The following NRG3 variants were observed in gnomAD, a reference collection of about 807,000 sequenced individuals.
The protein encoded by NRG3 is pro-neuregulin-3, membrane-bound isoform.
In NRG3, 31 loss-of-function variants were observed where a neutral mutation model predicts 66.9. The ratio of observed to expected loss-of-function variants is 0.46; its 90% confidence interval spans 0.35 to 0.63. The LOEUF (loss-of-function observed/expected upper bound fraction) is 0.63. Ranked by LOEUF, NRG3 falls within the 20% of genes least tolerant of loss-of-function variation. The pLI is 0.00. For missense variants in NRG3, 910 were observed against 878.9 expected, an observed-to-expected ratio of 1.04 and a Z score of -0.45; for synonymous variants, 393 against 359.4, an observed-to-expected ratio of 1.09 and a Z score of -1.06.
At chr10:82,857,086 A>C (rs2063850565) in intron 3 of NRG3, among the ~76,000 whole-genome samples, 1 of 152,200 alleles carries the variant, frequency 6.6e-6, no homozygotes, top group African/African-American at 2.4e-5. Flanking sequence ...TTATTTAGTC[A>C]AAATCCATCT....
At chr10:82,523,980 A>C (rs988674891) in intron 2 of NRG3, among the ~76,000 whole-genome samples, 14 of 152,044 alleles carry the variant, frequency 9.2e-5, no homozygotes, top group African/African-American at 3.4e-4. Flanking sequence ...GTTTTCCCTT[A>C]AAGTTTTCCC....
At chr10:82,934,618 C>G (rs1847888228) in intron 4 of NRG3, among the ~76,000 whole-genome samples, 1 of 152,204 alleles carries the variant, frequency 6.6e-6, no homozygotes, top group African/African-American at 2.4e-5. Flanking sequence ...GGTGTCACTA[C>G]AGAGTAGGAA....
At chr10:82,444,420 G>A (rs2090608314) in intron 2 of NRG3, among the ~76,000 whole-genome samples, 1 of 152,140 alleles carries the variant, frequency 6.6e-6, no homozygotes, top group Non-Finnish European at 1.5e-5. Flanking sequence ...TTATTCTAAT[G>A]TGACTAAAGA....
chr10:82,778,228 G>T (rs540805185), intron 3 of NRG3, among the ~76,000 whole-genome samples: 2 of 152,326 alleles, frequency 1.3e-5, no homozygotes, highest in East Asian at 3.9e-4. Context: ...TGATGGAATT[G>T]TGACTGATCC....
chr10:82,728,034 A>T (rs561829414), intron 2 of NRG3, among the ~76,000 whole-genome samples: 13 of 152,222 alleles, frequency 8.5e-5, no homozygotes, highest in South Asian at 8.3e-4. Flanking sequence ...AAACAACTGT[A>T]TTTACCCAAT....
intron 3 of NRG3, among the ~76,000 whole-genome samples, chr10:82,859,756 C>G (rs1352450174): frequency 6.6e-6 from 1 of 152,070 alleles, no homozygotes; most frequent in African/African-American, 2.4e-5. Flanking sequence ...ATGTTCTCAC[C>G]GCATAAAGAT....
At chr10:82,131,190 T>C (rs879248280) in intron 1 of NRG3, among the ~76,000 whole-genome samples, 3 of 152,164 alleles carry the variant, frequency 2.0e-5, no homozygotes, top group Non-Finnish European at 2.9e-5. Context: ...TAGATTTAAG[T>C]ATTTAATCCA....
At chr10:82,980,545 G>T (rs905509631) in intron 8 of NRG3, among the ~76,000 whole-genome samples, 2 of 152,162 alleles carry the variant, frequency 1.3e-5, no homozygotes, top group Admixed American at 6.5e-5. Context: ...TCAGGCTAAA[G>T]ATCAAAACGG....
At chr10:82,285,040 A>G (rs1046331176) in intron 1 of NRG3, among the ~76,000 whole-genome samples, 3 of 152,172 alleles carry the variant, frequency 2.0e-5, no homozygotes, top group African/African-American at 4.8e-5. Context: ...TCCTGTTTCT[A>G]ACTTTTATTT....
chr10:82,378,825 C>T (rs922594390), intron 2 of NRG3, among the ~76,000 whole-genome samples: 1 of 152,090 alleles, frequency 6.6e-6, no homozygotes, highest in Non-Finnish European at 1.5e-5. Flanking sequence ...CCCACCTCGG[C>T]CTCCCAAAGT....
chr10:82,349,637 G>T (rs991119945), intron 1 of NRG3, among the ~76,000 whole-genome samples: 1 of 151,830 alleles, frequency 6.6e-6, no homozygotes, highest in Non-Finnish European at 1.5e-5. Context: ...AGCAAGCCTG[G>T]GCAATGGCGG....
chr10:82,779,612 T>A (rs1409974113), intron 3 of NRG3, among the ~76,000 whole-genome samples: 1 of 152,168 alleles, frequency 6.6e-6, no homozygotes, highest in South Asian at 2.1e-4. Flanking sequence ...TTGTGACATA[T>A]TTTTTCTGCT....
intron 4 of NRG3, among the ~76,000 whole-genome samples, chr10:82,870,475 G>T (rs989619088): frequency 1.3e-5 from 2 of 152,130 alleles, no homozygotes; most frequent in East Asian, 3.9e-4. Flanking sequence ...GGGTCATATG[G>T]GAAGGATATG....
At chr10:82,647,831 G>T (rs554030960) in intron 2 of NRG3, among the ~76,000 whole-genome samples, 1 of 150,914 alleles carries the variant, frequency 6.6e-6, no homozygotes, top group Non-Finnish European at 1.5e-5. Context: ...CATGTCCTTC[G>T]CCCACTTTTT....
At chr10:82,568,138 T>G (rs948778472) in intron 2 of NRG3, among the ~76,000 whole-genome samples, 18 of 151,912 alleles carry the variant, frequency 1.2e-4, no homozygotes, top group African/African-American at 3.9e-4. Flanking sequence ...AGGCCATAGT[T>G]GGACAAATGC....
At chr10:82,964,950 C>A (rs1324062765) in intron 6 of NRG3, among the ~76,000 whole-genome samples, 1 of 152,186 alleles carries the variant, frequency 6.6e-6, no homozygotes, top group Non-Finnish European at 1.5e-5. Context: ...TTTCGGTGCA[C>A]CACCTACAAT....
At chr10:82,663,464 T>A (rs1381225914) in intron 2 of NRG3, among the ~76,000 whole-genome samples, 2 of 152,170 alleles carry the variant, frequency 1.3e-5, no homozygotes, top group African/African-American at 4.8e-5. Flanking sequence ...TATCTTTTTT[T>A]AACAATAGCC....
rs142968516 is a variant in NRG3 at position 82,577,207 on chromosome 10, C to G, written c.954-161370C>G. Reference sequence around the variant, plus strand: ...CTTTAGATAAAGTTTACTATCTTACCTTGTTTCAAAATTGTGAGCATGACT... The same window carrying G: ...CTTTAGATAAAGTTTACTATCTTACGTTGTTTCAAAATTGTGAGCATGACT... On this transcript the variant is annotated intron_variant, in intron 2 of 8. Transcript: ENST00000372141. Among the ~76,000 whole-genome samples, 50 of 151,756 alleles carry G rather than the reference C, an allele frequency of 3.3e-4. No homozygotes were observed. In the East Asian group the frequency reaches 9.7e-3, roughly 29 times the overall value.
intron 1 of NRG3, among the ~76,000 whole-genome samples, chr10:82,032,113 C>CT (rs775828429): frequency 0.036 from 5,184 of 144,822 alleles, 269 homozygotes; most frequent in African/African-American, 0.12. Context: ...TTGTTTGATT[C>CT]TTTTTTTTTT....
Sources: gnomAD v4.1 joint callset for allele counts (sites outside exome capture counted in the v4.1 genomes callset) on GRCh38, gnomAD v4.1.1 for gene constraint, MANE v1.5 for transcripts, NCBI Gene and HGNC (gene_info 2026-07-23, HGNC 2026-07-21) for gene names.